COP1: variants seen among roughly 807,000 people sequenced by gnomAD.
COP1 encodes the protein E3 ubiquitin-protein ligase COP1.
In COP1, 24 loss-of-function variants were observed where a neutral mutation model predicts 101.3. The ratio of observed to expected loss-of-function variants is 0.24; its 90% CI spans 0.17 to 0.33. COP1 has a LOEUF of 0.33. Among genes scored for constraint, COP1 ranks in the 10% least tolerant of loss-of-function variants. The pLI, the probability that COP1 is intolerant of heterozygous loss-of-function variation, is 1.00. For synonymous variants in COP1, 347 were observed against 341.9 expected, an observed-to-expected ratio of 1.01 and a Z score of -0.17; for missense variants, 663 against 906.2, an observed-to-expected ratio of 0.73 and a Z score of 3.45.
At chr1:175,995,420 A>C (rs1044354659) in intron 15 of COP1, among the ~76,000 whole-genome samples, 2 of 152,300 alleles carry the variant, frequency 1.3e-5, no homozygotes, top group Middle Eastern at 3.4e-3. Flanking sequence ...GGAAATACAG[A>C]CACAAAAAAC....
intron 18 of COP1, among the ~76,000 whole-genome samples, chr1:175,983,345 T>A (rs1206147472): frequency 6.6e-6 from 1 of 152,204 alleles, no homozygotes; most frequent in Admixed American, 6.5e-5. Context: ...ATAAGTCTCA[T>A]GATATCTGAT....
At chr1:176,077,288 A>G (rs190791494) in intron 11 of COP1, among the ~76,000 whole-genome samples, 2 of 152,218 alleles carry the variant, frequency 1.3e-5, no homozygotes, top group Admixed American at 1.3e-4. Flanking sequence ...GAGCACATCA[A>G]AAGTTAATTT....
intron 18 of COP1, among the ~76,000 whole-genome samples, chr1:175,970,637 G>C (rs1001434932): frequency 6.6e-6 from 1 of 151,988 alleles, no homozygotes; most frequent in East Asian, 1.9e-4. Flanking sequence ...TTACCTTTGA[G>C]TATTTTTTTC....
At chr1:175,976,270 CTTTTTTTTTTT>C (rs10694480) in intron 18 of COP1, among the ~76,000 whole-genome samples, 8 of 56,834 alleles carry the variant, frequency 1.4e-4, no homozygotes, top group South Asian at 1.6e-3. Flanking sequence ...ATTAGTCATT[CTTTTTTTTTTT>C]TTTTTTTTTT....
chr1:175,953,919 A>G (rs1650280449), intron 18 of COP1, among the ~76,000 whole-genome samples: 1 of 152,170 alleles, frequency 6.6e-6, no homozygotes, highest in Middle Eastern at 3.2e-3. Flanking sequence ...AACCATATAA[A>G]AGACTTAAAC....
chr1:176,142,814 T>C (rs189354127), intron 6 of COP1, among the ~76,000 whole-genome samples: 180 of 151,960 alleles, frequency 1.2e-3, no homozygotes, highest in Non-Finnish European at 2.0e-3. Flanking sequence ...TTAGAAATTA[T>C]TTTGAACAAT....
chr1:176,045,143 TC>T (rs777845577), intron 12 of COP1, among the ~76,000 whole-genome samples: 1 of 152,188 alleles, frequency 6.6e-6, no homozygotes, highest in Non-Finnish European at 1.5e-5. Context: ...CTTCCTGTGC[TC>T]AGCTTTCTTT....
At position 176,206,636 on chromosome 1, in the gene COP1, G is replaced by C; in HGVS notation, c.343C>G (p.Leu115Val). ...AGCCCGTTGCAGAGGGGGGCGAGGAGAGGTCGCTTCCTGCTGCCGCTGCCT... is the reference window on the plus strand; with the variant it reads ...AGCCCGTTGCAGAGGGGGGCGAGGACAGGTCGCTTCCTGCTGCCGCTGCCT... ...SLGSGSRKRPLLAPLCNGLIN... is the reference protein window; with the variant it reads ...SLGSGSRKRPVLAPLCNGLIN... The change falls in exon 1 of 20, where the codon CTC becomes GTC. Residue 115 changes from leucine to valine, a missense_variant. By Grantham distance (32) the Leu-to-Val change is conservative. Coordinates refer to ENST00000367669, the MANE Select transcript of COP1 (RefSeq NM_022457.7). 2 of 1,612,050 alleles carry C rather than the reference G, an allele frequency of 1.2e-6. No individual in the cohort carries two copies. The highest frequency in any genetic ancestry group is 1.7e-6 in the Non-Finnish European group (2 of 1,180,002).
At chr1:175,945,465 T>C (rs1196419435) in intron 19 of COP1, among the ~76,000 whole-genome samples, 3 of 152,234 alleles carry the variant, frequency 2.0e-5, no homozygotes, top group East Asian at 1.9e-4. Flanking sequence ...AAATACATTT[T>C]TGGAATATAT....
chr1:176,112,710 C>G (rs1685508613), intron 9 of COP1, among the ~76,000 whole-genome samples: 1 of 152,164 alleles, frequency 6.6e-6, no homozygotes, highest in African/African-American at 2.4e-5. Context: ...TCCATTCCCC[C>G]TCCTTGCCTT....
chr1:176,144,252 G>C (rs1558196225), intron 6 of COP1, among the ~76,000 whole-genome samples: 1 of 152,040 alleles, frequency 6.6e-6, no homozygotes, highest in Non-Finnish European at 1.5e-5. Flanking sequence ...GTTTAACCAG[G>C]TTGCTGGATA....
chr1:175,950,664 G>T (rs1313762075), intron 18 of COP1, among the ~76,000 whole-genome samples: 2 of 151,806 alleles, frequency 1.3e-5, no homozygotes. Context: ...CCTCTTTTTT[G>T]GAAACCGGCA....
At chr1:176,026,772 T>C (rs1667742310) in intron 15 of COP1, among the ~76,000 whole-genome samples, 2 of 152,084 alleles carry the variant, frequency 1.3e-5, no homozygotes, top group South Asian at 4.1e-4. Flanking sequence ...TGTATTTTTT[T>C]TTGTAAAACC....
intron 9 of COP1, among the ~76,000 whole-genome samples, chr1:176,111,182 T>A (rs754908479): frequency 1.3e-5 from 2 of 152,084 alleles, no homozygotes; most frequent in African/African-American, 2.4e-5. Context: ...ATAACAGTAT[T>A]TATCTCACAG....
At chr1:176,164,494 T>C (rs12134392) in intron 3 of COP1, among the ~76,000 whole-genome samples, 10,572 of 152,184 alleles carry the variant, frequency 0.069, 462 homozygotes, top group Admixed American at 0.088. Flanking sequence ...CAGTGGTTGA[T>C]GTGGGGTTAA....
At chr1:176,183,521 A>T (rs1431183713) in intron 2 of COP1, among the ~76,000 whole-genome samples, 1 of 152,184 alleles carries the variant, frequency 6.6e-6, no homozygotes, top group Non-Finnish European at 1.5e-5. Flanking sequence ...AAAATAGTGC[A>T]GCCCCTATAG....
chr1:176,136,618 A>T (rs958131232), intron 6 of COP1, 71 bp from the exon 7 acceptor site: 3 of 962,500 alleles, frequency 3.1e-6, no homozygotes, highest in African/African-American at 3.4e-5. Context: ...CATCACCATG[A>T]TCATAAAATA....
intron 9 of COP1, among the ~76,000 whole-genome samples, chr1:176,095,445 G>A (rs912359453): frequency 5.3e-5 from 8 of 152,164 alleles, no homozygotes; most frequent in Non-Finnish European, 7.3e-5. Context: ...CTCTTTGGGA[G>A]GCCAAGGCAG....
At chr1:176,205,567 T>C (rs1234913003) in intron 1 of COP1, among the ~76,000 whole-genome samples, 2 of 152,192 alleles carry the variant, frequency 1.3e-5, no homozygotes, top group Admixed American at 1.3e-4. Flanking sequence ...ATCAACAATT[T>C]CCTCAAAAAG....
Sources: gnomAD v4.1 joint callset for allele counts (sites outside exome capture counted in the v4.1 genomes callset) on GRCh38, gnomAD v4.1.1 for gene constraint, MANE v1.5 for transcripts, NCBI Gene and HGNC (gene_info 2026-07-23, HGNC 2026-07-21) for gene names.